RANBP2: variants seen among roughly 807,000 people sequenced by gnomAD.
RANBP2 encodes E3 SUMO-protein ligase RanBP2.
A neutral mutation model predicts 303.6 loss-of-function variants in RANBP2; 57 were observed. The observed-to-expected ratio is 0.19, with a 90% CI of 0.15 to 0.23. RANBP2 has a LOEUF of 0.23. Among genes scored for constraint, RANBP2 ranks in the 10% least tolerant of loss-of-function variants. The pLI, the probability that RANBP2 is intolerant of heterozygous loss-of-function variation, is 1.00. For synonymous variants in RANBP2, 1,167 were observed against 1,301.5 expected (o/e 0.90, Z 2.23); for missense variants, 3,138 against 3,780.8 (o/e 0.83, Z 4.46).
downstream of RANBP2, among the ~76,000 whole-genome samples, chr2:108,787,225 C>CT (rs1442324506): frequency 6.6e-6 from 1 of 152,176 alleles, no homozygotes; most frequent in Non-Finnish European, 1.5e-5. Context: ...AATTGAATTG[C>CT]TTTTTAAAAG....
At chr2:109,605,465 C>G in the RANBP2 span, 1 of 150,642 alleles carries the variant, frequency 6.6e-6, no homozygotes, top group Non-Finnish European at 1.5e-5. Context: ...AGTGAAACTC[C>G]ATTTCAAAAA....
At chr2:109,347,741 A>G in the RANBP2 span, 2 of 1,613,850 alleles carry the variant, frequency 1.2e-6, no homozygotes, top group African/African-American at 1.3e-5. Flanking sequence ...GGTGACCTCA[A>G]GTTCAACAAG....
the RANBP2 span, among the ~76,000 whole-genome samples, chr2:108,854,948 G>T: frequency 6.6e-6 from 1 of 152,106 alleles, no homozygotes; most frequent in Non-Finnish European, 1.5e-5. Flanking sequence ...CAAAATAATG[G>T]AAAACCATAT....
chr2:109,471,692 CTCTT>C, the RANBP2 span, among the ~76,000 whole-genome samples: 1 of 152,200 alleles, frequency 6.6e-6, no homozygotes, highest in Non-Finnish European at 1.5e-5. Context: ...GGGTCTAAGT[CTCTT>C]TCTTTTCCAC....
At chr2:109,667,111 T>G in the RANBP2 span, 2 of 1,020,394 alleles carry the variant, frequency 2.0e-6, no homozygotes, top group African/African-American at 3.2e-5. Context: ...ATATCCCAGT[T>G]TTTGTTTTAT....
chr2:109,523,327 C>T, the RANBP2 span, among the ~76,000 whole-genome samples: 1 of 152,158 alleles, frequency 6.6e-6, no homozygotes, highest in Non-Finnish European at 1.5e-5. Context: ...CCTTGGAGAG[C>T]TGTCCAGGCT....
the RANBP2 span, among the ~76,000 whole-genome samples, chr2:109,073,037 C>T: frequency 1.4e-4 from 22 of 152,052 alleles, no homozygotes; most frequent in Non-Finnish European, 2.4e-4. Flanking sequence ...AATGAACAAA[C>T]AGGAAATATG....
the RANBP2 span, among the ~76,000 whole-genome samples, chr2:109,538,629 C>T: frequency 2.0e-5 from 3 of 152,206 alleles, no homozygotes; most frequent in South Asian, 2.1e-4. Flanking sequence ...AAGCAATTCT[C>T]GTGCCTCAGC....
At chr2:109,234,124 G>T in the RANBP2 span, among the ~76,000 whole-genome samples, 1 of 152,130 alleles carries the variant, frequency 6.6e-6, no homozygotes, top group Non-Finnish European at 1.5e-5. Context: ...TTTCCTTATA[G>T]GAAATGCCAG....
the RANBP2 span, among the ~76,000 whole-genome samples, chr2:109,138,330 C>T: frequency 6.6e-6 from 1 of 152,168 alleles, no homozygotes; most frequent in African/African-American, 2.4e-5. Context: ...CCTGGCCTCT[C>T]AGATAGAAAT....
the RANBP2 span, among the ~76,000 whole-genome samples, chr2:108,996,644 T>C: frequency 6.6e-6 from 1 of 152,162 alleles, no homozygotes. Context: ...CCAAGCCTGC[T>C]GTGCTGTTGT....
chr2:109,258,792 G>T, the RANBP2 span, among the ~76,000 whole-genome samples: 2 of 152,336 alleles, frequency 1.3e-5, no homozygotes, highest in East Asian at 3.9e-4. Flanking sequence ...TCCTAATAGG[G>T]GTAGGGTCTT....
chr2:109,774,539 A>AT, the RANBP2 span, among the ~76,000 whole-genome samples: 1 of 95,608 alleles, frequency 1.0e-5, no homozygotes, highest in South Asian at 3.4e-4. Context: ...TATTATATAT[A>AT]AAATATATAT....
chr2:108,777,719 G>A (rs886536461), intron 25 of RANBP2, among the ~76,000 whole-genome samples: 4 of 152,054 alleles, frequency 2.6e-5, no homozygotes, highest in African/African-American at 7.2e-5. Context: ...AATCCATTTT[G>A]GTAACATTTC....
the RANBP2 span, among the ~76,000 whole-genome samples, chr2:109,351,674 C>T: frequency 3.9e-5 from 6 of 152,170 alleles, no homozygotes; most frequent in South Asian, 4.1e-4. Flanking sequence ...AGAGAGTGCC[C>T]GCTGATCATG....
the RANBP2 span, among the ~76,000 whole-genome samples, chr2:109,474,970 TTTGTTTG>T: frequency 1.3e-4 from 19 of 145,334 alleles, no homozygotes; most frequent in Non-Finnish European, 2.9e-4. Flanking sequence ...TTGGGTTTTT[TTTGTTTG>T]TTTGTTTGTT....
At chr2:109,297,930 T>A in the RANBP2 span, among the ~76,000 whole-genome samples, 1 of 151,604 alleles carries the variant, frequency 6.6e-6, no homozygotes, top group East Asian at 2.0e-4. Context: ...CAGATGTGTG[T>A]TCCCCCCCCA....
the RANBP2 span, among the ~76,000 whole-genome samples, chr2:109,026,792 T>C: frequency 6.6e-6 from 1 of 152,136 alleles, no homozygotes; most frequent in Non-Finnish European, 1.5e-5. Flanking sequence ...AGTGGCCGGG[T>C]GCAGTGGCTC....
intron 6 of RANBP2, among the ~76,000 whole-genome samples, chr2:108,737,540 G>C (rs1171324915): frequency 7.0e-6 from 1 of 142,822 alleles, no homozygotes; most frequent in South Asian, 2.2e-4. Flanking sequence ...GGTTCAGGAT[G>C]GTCTCAAGCT....
Sources: allele counts gnomAD v4.1 joint callset (sites outside exome capture counted in the v4.1 genomes callset), GRCh38; gene constraint gnomAD v4.1.1; transcripts MANE v1.5; gene names NCBI Gene and HGNC (gene_info 2026-07-23, HGNC 2026-07-21).